NRG1: variants seen among roughly 807,000 people sequenced by gnomAD.
The protein encoded by NRG1 is neuregulin 1.
A neutral mutation model predicts 63.8 loss-of-function variants in NRG1; 18 were observed. The ratio of observed to expected loss-of-function variants is 0.28; its 90% CI spans 0.19 to 0.42. The LOEUF is 0.42. NRG1 is among the 10% of genes least tolerant of loss of function. The probability of loss-of-function intolerance (pLI) is 1.00; values close to 1 mark genes in which losing one functional copy is unlikely to be tolerated. For missense variants in NRG1, 762 were observed against 814.7 expected, an observed-to-expected ratio of 0.94 and a Z score of 0.79; for synonymous variants, 302 against 301.3, an observed-to-expected ratio of 1.00 and a Z score of -0.02.
intron 1 of NRG1, among the ~76,000 whole-genome samples, chr8:31,652,135 G>C (rs183522066): frequency 6.6e-6 from 1 of 152,238 alleles, no homozygotes; most frequent in Admixed American, 6.5e-5. Context: ...GATAAATTCA[G>C]TTAACCCCTC....
intron 1 of NRG1, among the ~76,000 whole-genome samples, chr8:32,203,764 G>A (rs1586063581): frequency 6.6e-6 from 1 of 152,144 alleles, no homozygotes; most frequent in East Asian, 1.9e-4. Context: ...GATATAGCAG[G>A]GAATAAAACA....
At chr8:32,238,094 A>G (rs1450581303) in intron 1 of NRG1, among the ~76,000 whole-genome samples, 1 of 152,188 alleles carries the variant, frequency 6.6e-6, no homozygotes, top group Admixed American at 6.5e-5. Context: ...TCCAAGGGCT[A>G]TCTGATTCGG....
chr8:32,756,167 G>T (rs1411134804), intron 8 of NRG1, among the ~76,000 whole-genome samples: 4 of 151,834 alleles, frequency 2.6e-5, no homozygotes, highest in Non-Finnish European at 4.4e-5. Context: ...TTTTTTTCTT[G>T]TCTCTCAGTA....
intron 1 of NRG1, among the ~76,000 whole-genome samples, chr8:31,943,039 A>T (rs1801998844): frequency 6.6e-6 from 1 of 152,118 alleles, no homozygotes; most frequent in South Asian, 2.1e-4. Flanking sequence ...ACCCAGAGGA[A>T]GTCATTATAC....
At chr8:32,390,525 C>T (rs577497738) in intron 1 of NRG1, among the ~76,000 whole-genome samples, 183 of 149,522 alleles carry the variant, frequency 1.2e-3, no homozygotes, top group Admixed American at 4.0e-3. Context: ...ATTGCTTGAG[C>T]CTGGGAGGTC....
intron 1 of NRG1, among the ~76,000 whole-genome samples, chr8:32,328,232 C>G (rs1352152134): frequency 1.3e-5 from 2 of 152,144 alleles, no homozygotes; most frequent in African/African-American, 2.4e-5. Flanking sequence ...TGGATACCTG[C>G]TGTGGTTAAT....
At chr8:32,238,455 A>AT (rs1320480860) in intron 1 of NRG1, among the ~76,000 whole-genome samples, 1 of 152,014 alleles carries the variant, frequency 6.6e-6, no homozygotes, top group African/African-American at 2.4e-5. Context: ...GAAAAAAAAA[A>AT]AAAAACCTTT....
chr8:31,859,796 T>C (rs1327291963), intron 1 of NRG1, among the ~76,000 whole-genome samples: 2 of 152,236 alleles, frequency 1.3e-5, no homozygotes, highest in African/African-American at 4.8e-5. Context: ...TATTCTAGCC[T>C]TTTATAACAT....
At chr8:31,731,447 T>C (rs1476243917) in intron 1 of NRG1, among the ~76,000 whole-genome samples, 4 of 122,696 alleles carry the variant, frequency 3.3e-5, no homozygotes, top group South Asian at 2.8e-4. Context: ...CACACACACA[T>C]TTTACAAAAA....
At chr8:32,389,767 T>C (rs1403783569) in intron 1 of NRG1, among the ~76,000 whole-genome samples, 1 of 149,188 alleles carries the variant, frequency 6.7e-6, no homozygotes, top group Non-Finnish European at 1.5e-5. Context: ...TTCTTTTTTT[T>C]TTTTTTTTTT....
intron 1 of NRG1, among the ~76,000 whole-genome samples, chr8:31,706,216 T>A (rs908800498): frequency 6.6e-6 from 1 of 152,182 alleles, no homozygotes; most frequent in Non-Finnish European, 1.5e-5. Context: ...TAGTTTTTTA[T>A]GTGTCCTTCC....
At chr8:31,736,486 A>G (rs1180645330) in intron 1 of NRG1, among the ~76,000 whole-genome samples, 1 of 152,162 alleles carries the variant, frequency 6.6e-6, no homozygotes, top group Non-Finnish European at 1.5e-5. Context: ...CCTCATGATT[A>G]TATTTGAATG....
intron 1 of NRG1, among the ~76,000 whole-genome samples, chr8:31,795,520 T>C (rs924250661): frequency 6.6e-6 from 1 of 152,110 alleles, no homozygotes; most frequent in African/African-American, 2.4e-5. Context: ...CTTCTCCCTA[T>C]ATTGTCCTGT....
intron 1 of NRG1, among the ~76,000 whole-genome samples, chr8:31,852,229 T>C (rs1435022045): frequency 6.6e-6 from 1 of 152,110 alleles, no homozygotes; most frequent in African/African-American, 2.4e-5. Context: ...CCACCAACAG[T>C]GTAAAATTGT....
In NRG1 at chr8:31,736,861, G is replaced by GCACA. The variant is rs561840746; in HGVS notation, c.37+97435_37+97438dup. Among the ~76,000 whole-genome samples, 12 of 152,156 alleles carry GCACA rather than the reference G, an allele frequency of 7.9e-5. 1 individual carries two copies. The East Asian group carries it at 2.3e-3, about 30-fold the overall frequency. ...TGTATGTATGTACGTACACACACATGCACACACAATTCACCCTCTCCCACA... is the reference window on the plus strand; with the variant it reads ...TGTATGTATGTACGTACACACACATGCACACACACACAATTCACCCTCTCCCACA... On this transcript the variant is annotated intron_variant, in intron 1 of 10. Transcript: ENST00000519301.
At chr8:32,423,971 G>T in intron 1 of NRG1, among the ~76,000 whole-genome samples, 1 of 152,128 alleles carries the variant, frequency 6.6e-6, no homozygotes, top group East Asian at 1.9e-4. Flanking sequence ...TATTTGGAAA[G>T]TCCTTATTTG....
intron 1 of NRG1, among the ~76,000 whole-genome samples, chr8:31,940,314 G>C (rs150206590): frequency 5.0e-4 from 76 of 151,908 alleles, no homozygotes; most frequent in African/African-American, 1.7e-3. Context: ...GAGTCAACAA[G>C]GAAATCAAGA....
intron 6 of NRG1, among the ~76,000 whole-genome samples, chr8:32,736,274 T>G (rs1825031806): frequency 6.6e-6 from 1 of 152,246 alleles, no homozygotes; most frequent in South Asian, 2.1e-4. Flanking sequence ...AAATGCAGAC[T>G]AATAGTAACA....
intron 1 of NRG1, among the ~76,000 whole-genome samples, chr8:32,412,130 C>A (rs1815054047): frequency 6.6e-6 from 1 of 152,082 alleles, no homozygotes; most frequent in Admixed American, 6.5e-5. Flanking sequence ...TAAGAGGGAA[C>A]TACTCCTGTC....
Sources: gnomAD v4.1 joint callset for allele counts (sites outside exome capture counted in the v4.1 genomes callset) on GRCh38, gnomAD v4.1.1 for gene constraint, MANE v1.5 for transcripts, NCBI Gene and HGNC (gene_info 2026-07-23, HGNC 2026-07-21) for gene names.